Variants in RGS7 observed in about 807,000 individuals in gnomAD.
The protein encoded by RGS7 is regulator of G-protein signaling 7.
In RGS7, 27 loss-of-function variants were observed where a neutral mutation model predicts 81.1. The ratio of observed to expected loss-of-function variants is 0.33; its 90% CI spans 0.25 to 0.46. The LOEUF is 0.46. RGS7 is among the 20% of genes least tolerant of loss of function. The pLI, the probability that RGS7 is intolerant of heterozygous loss-of-function variation, is 1.00. For synonymous variants in RGS7, 208 were observed against 207.7 expected, an observed-to-expected ratio of 1.00 and a Z score of -0.01; for missense variants, 396 against 607.4, an observed-to-expected ratio of 0.65 and a Z score of 3.66.
chr1:241,175,215 AG>A (rs1171874971), intron 2 of RGS7, among the ~76,000 whole-genome samples: 1 of 152,128 alleles, frequency 6.6e-6, no homozygotes, highest in African/African-American at 2.4e-5. Context: ...AGAAAATCTT[AG>A]AAGGGAGATA....
At chr1:241,201,453 A>G (rs2073488322) in intron 2 of RGS7, among the ~76,000 whole-genome samples, 1 of 152,084 alleles carries the variant, frequency 6.6e-6, no homozygotes, top group Non-Finnish European at 1.5e-5. Context: ...TACAAATTAC[A>G]CTGGAGCCTC....
intron 9 of RGS7, among the ~76,000 whole-genome samples, chr1:240,852,073 T>C (rs1660209077): frequency 6.6e-6 from 1 of 152,172 alleles, no homozygotes; most frequent in Non-Finnish European, 1.5e-5. Context: ...GCGGGTAAAA[T>C]GCTATCAAGC....
At chr1:241,106,752 C>CCACCA (rs1553421291) in intron 2 of RGS7, among the ~76,000 whole-genome samples, 14,809 of 121,424 alleles carry the variant, frequency 0.12, 972 homozygotes, top group African/African-American at 0.14. Context: ...AACACCACCA[C>CCACCA]CACACACACA....
chr1:241,043,902 G>C (rs1227774078), intron 3 of RGS7, among the ~76,000 whole-genome samples: 1 of 151,712 alleles, frequency 6.6e-6, no homozygotes, highest in East Asian at 1.9e-4. Flanking sequence ...GTATCGACCA[G>C]GGTCCTAGAA....
At chr1:240,989,920 G>C (rs764484082) in intron 3 of RGS7, among the ~76,000 whole-genome samples, 1 of 152,132 alleles carries the variant, frequency 6.6e-6, no homozygotes, top group Non-Finnish European at 1.5e-5. Flanking sequence ...TGTCATCCTT[G>C]CTCCTTTCTG....
At position 240,775,912 on chromosome 1, in the gene RGS7, C is replaced by T. The variant is rs970155752; in HGVS notation, c.*308G>A. On this transcript the variant is annotated 3_prime_UTR_variant, in exon 19 of 19. Coordinates refer to ENST00000440928, the MANE Select transcript of RGS7 (RefSeq NM_001364886.1). Reference sequence around the variant, plus strand: ...GAAAAAAAGAAAAGGTTTTACTTCACTTGAACTTGTTAAAAAGGAAGAGAC... The same window carrying T: ...GAAAAAAAGAAAAGGTTTTACTTCATTTGAACTTGTTAAAAAGGAAGAGAC... The T allele has an allele frequency of 2.1e-6, 1 of 486,600 alleles. No individual in the cohort carries two copies. The highest frequency in any genetic ancestry group is 3.4e-5 in the East Asian group (1 of 29,302). 30.1% of individuals were successfully genotyped at this position (486,600 alleles called of 1,614,324 possible).
chr1:241,018,883 G>C (rs1231863089), intron 3 of RGS7, among the ~76,000 whole-genome samples: 3 of 152,070 alleles, frequency 2.0e-5, no homozygotes, highest in Non-Finnish European at 4.4e-5. Flanking sequence ...ATGCTCAAGT[G>C]GGGCAGAATT....
intron 5 of RGS7, among the ~76,000 whole-genome samples, chr1:240,932,468 T>C (rs1266414026): frequency 1.3e-5 from 2 of 150,606 alleles, no homozygotes; most frequent in South Asian, 2.1e-4. Context: ...AGGATAGCCC[T>C]AGGGGGACAA....
Position 241,327,036 on chromosome 1 carries a change from A to AAGGAAGGAAGGGAGGG in RGS7, c.78+28662_78+28663insCCCTCCCTTCCTTCCT, listed in dbSNP as rs1416114110. On this transcript the variant is annotated intron_variant, in intron 2 of 18. Coordinates refer to ENST00000440928, the MANE Select transcript of RGS7 (RefSeq NM_001364886.1). ...GAAGGAAGGAAGGAAGGAAGGAAGGAAGGGAGGGAGGGGAAAGGAAGGAAG... is the reference window on the plus strand; with the variant it reads ...GAAGGAAGGAAGGAAGGAAGGAAGGAAGGAAGGAAGGGAGGGAGGGAGGGAGGGGAAAGGAAGGAAG... Among the ~76,000 whole-genome samples the AAGGAAGGAAGGGAGGG allele has an allele frequency of 2.4e-3, 15 of 6,238 alleles. 4 individuals carry two copies. Among genetic ancestry groups the AAGGAAGGAAGGGAGGG allele is most frequent in the African/African-American group, 3.5e-3 (7 of 1,998 alleles). 4.1% of individuals were successfully genotyped at this position (6,238 alleles called of 152,430 possible). A position where few individuals can be genotyped will look rare whatever the true frequency, so the allele number is the denominator to read the frequency against.
At chr1:241,246,743 C>G (rs1207735350) in intron 2 of RGS7, among the ~76,000 whole-genome samples, 1 of 151,866 alleles carries the variant, frequency 6.6e-6, no homozygotes, top group African/African-American at 2.4e-5. Flanking sequence ...ATAAATTGTC[C>G]TCTTTGTTGT....
intron 2 of RGS7, among the ~76,000 whole-genome samples, chr1:241,165,697 G>C (rs111561688): frequency 0.15 from 21,938 of 150,636 alleles, 2,051 homozygotes; most frequent in Middle Eastern, 0.27. Flanking sequence ...GAGTTAGTGG[G>C]TGCAGCACAT....
chr1:241,248,879 C>T (rs537622533), intron 2 of RGS7, among the ~76,000 whole-genome samples: 29 of 152,298 alleles, frequency 1.9e-4, no homozygotes, highest in South Asian at 4.1e-4. Flanking sequence ...GCTTATCATT[C>T]GACGAACTTG....
chr1:241,066,768 A>C (rs1488160725), intron 3 of RGS7, among the ~76,000 whole-genome samples: 2 of 152,234 alleles, frequency 1.3e-5, no homozygotes, highest in African/African-American at 4.8e-5. Context: ...AAATCTATTT[A>C]CATGCATTTG....
intron 2 of RGS7, among the ~76,000 whole-genome samples, chr1:241,134,767 C>T (rs972214069): frequency 1.3e-5 from 2 of 152,142 alleles, no homozygotes; most frequent in South Asian, 4.2e-4. Flanking sequence ...AGGAGTTTTA[C>T]TAGTTCCTCA....
At chr1:240,938,430 G>A (rs1405972004) in intron 4 of RGS7, among the ~76,000 whole-genome samples, 1 of 152,112 alleles carries the variant, frequency 6.6e-6, no homozygotes, top group African/African-American at 2.4e-5. Context: ...CAACCATGGG[G>A]AGCTTTTACA....
chr1:241,007,584 T>C (rs1406922161), intron 3 of RGS7, among the ~76,000 whole-genome samples: 2 of 152,300 alleles, frequency 1.3e-5, no homozygotes, highest in African/African-American at 4.8e-5. Flanking sequence ...AAACCCTTTT[T>C]CTGAGATAGA....
intron 3 of RGS7, among the ~76,000 whole-genome samples, chr1:241,041,832 GTAGTACTACCTTTGA>G (rs141322034): frequency 0.024 from 3,628 of 152,178 alleles, 156 homozygotes; most frequent in African/African-American, 0.082. Flanking sequence ...ACTACCTTTG[GTAGTACTACCTTTGA>G]GAACTAGGTT....
chr1:241,016,563 A>C (rs184472549), intron 3 of RGS7, among the ~76,000 whole-genome samples: 88 of 125,226 alleles, frequency 7.0e-4, no homozygotes, highest in East Asian at 2.1e-3. Flanking sequence ...AACCAACCAA[A>C]CAAACAAAAA....
intron 4 of RGS7, among the ~76,000 whole-genome samples, chr1:240,948,345 G>A (rs1026714323): frequency 2.2e-4 from 33 of 152,190 alleles, no homozygotes; most frequent in Middle Eastern, 3.4e-3. Context: ...ATATGAGAGC[G>A]GAAATGGATA....
Sources: gnomAD v4.1 joint callset for allele counts (sites outside exome capture counted in the v4.1 genomes callset) on GRCh38, gnomAD v4.1.1 for gene constraint, MANE v1.5 for transcripts, NCBI Gene and HGNC (gene_info 2026-07-23, HGNC 2026-07-21) for gene names.